The following PATJ variants were observed in gnomAD, a reference collection of about 807,000 sequenced individuals.
PATJ encodes the protein inaD-like protein.
In PATJ, 190 loss-of-function variants were observed where a neutral mutation model predicts 224.9. The observed-to-expected ratio is 0.84, with a 90% confidence interval of 0.75 to 0.95. The LOEUF (loss-of-function observed/expected upper bound fraction) is 0.95, where lower values mean the gene tolerates loss of function less well. PATJ is among the 40% of genes least tolerant of loss of function. PATJ has a pLI of 0.00. For synonymous variants in PATJ, 769 were observed against 820.3 expected (o/e 0.94, Z 1.07); for missense variants, 2,121 against 2,270.3 (o/e 0.93, Z 1.34).
intron 23 of PATJ, among the ~76,000 whole-genome samples, chr1:61,900,037 C>T (rs1670903981): frequency 6.6e-6 from 1 of 152,180 alleles, no homozygotes; most frequent in Admixed American, 6.5e-5. Flanking sequence ...CTCTACCTTC[C>T]TCCCCTGGTG....
intron 30 of PATJ, among the ~76,000 whole-genome samples, chr1:62,044,427 T>G (rs1302673002): frequency 6.6e-6 from 1 of 152,196 alleles, no homozygotes; most frequent in Non-Finnish European, 1.5e-5. Context: ...AAGGCTGTAC[T>G]CCAGAAAGAT....
At chr1:62,001,534 G>A (rs1243917712) in intron 28 of PATJ, among the ~76,000 whole-genome samples, 1 of 150,816 alleles carries the variant, frequency 6.6e-6, no homozygotes, top group African/African-American at 2.4e-5. Flanking sequence ...GCTCTGTTCT[G>A]TTCCATTGAT....
At chr1:61,959,427 T>TATATATA in intron 27 of PATJ, among the ~76,000 whole-genome samples, 1 of 25,196 alleles carries the variant, frequency 4.0e-5, no homozygotes, top group African/African-American at 9.4e-5. Context: ...TATAATATAT[T>TATATATA]TTTTTTCTTT....
At chr1:61,760,073 T>C (rs986602431) in intron 1 of PATJ, among the ~76,000 whole-genome samples, 5 of 152,216 alleles carry the variant, frequency 3.3e-5, no homozygotes, top group Non-Finnish European at 7.3e-5. Context: ...TGTTGGGCTG[T>C]ATGCTGCTAT....
intron 31 of PATJ, among the ~76,000 whole-genome samples, chr1:62,053,174 G>A (rs919444443): frequency 2.0e-5 from 3 of 152,190 alleles, no homozygotes; most frequent in Non-Finnish European, 2.9e-5. Context: ...CTGGAGGCCT[G>A]AGGGTCATTT....
chr1:61,873,928 A>G (rs1267474746), intron 20 of PATJ, among the ~76,000 whole-genome samples: 1 of 152,148 alleles, frequency 6.6e-6, no homozygotes, highest in Non-Finnish European at 1.5e-5. Context: ...TGGGATGTGA[A>G]AATCTGCTTG....
intron 7 of PATJ, among the ~76,000 whole-genome samples, chr1:61,778,411 A>C (rs913688231): frequency 1.3e-5 from 2 of 152,174 alleles, no homozygotes; most frequent in African/African-American, 4.8e-5. Context: ...ATTTTAATAA[A>C]ATAGTGTCTG....
Position 61,914,522 on chromosome 1 carries a change from A to AG in PATJ, c.3493-65_3493-64insG, listed in dbSNP as rs1156659041. ...TTCTCCATTGTGGAATGTCAAGAGA[A>AG]AAAAAAGGAATGATTATGTCGTTTA... On this transcript the variant is annotated intron_variant, in intron 25 of 43. Transcript: ENST00000642238. 3.9e-6 allele frequency: 3 copies of AG among 766,686 alleles called. No homozygotes were observed. In the African/African-American group the frequency reaches 5.3e-5, roughly 14 times the overall value. The allele number at this position is 766,686 out of a possible 1,614,324, so 47.5% of individuals were successfully genotyped here.
At chr1:61,826,366 C>T (rs186245435) in intron 15 of PATJ, among the ~76,000 whole-genome samples, 3 of 152,250 alleles carry the variant, frequency 2.0e-5, no homozygotes, top group East Asian at 1.9e-4. Flanking sequence ...AACATTAGCA[C>T]GGCACCTATT....
At chr1:62,021,335 G>T (rs1217818127) in intron 29 of PATJ, among the ~76,000 whole-genome samples, 1 of 152,088 alleles carries the variant, frequency 6.6e-6, no homozygotes, top group Non-Finnish European at 1.5e-5. Flanking sequence ...CCTTCCAAAA[G>T]GCCCTGCCTA....
At chr1:62,142,989 G>A (rs1667653383) in intron 41 of PATJ, among the ~76,000 whole-genome samples, 1 of 152,214 alleles carries the variant, frequency 6.6e-6, no homozygotes, top group Admixed American at 6.5e-5. Context: ...GTGTGGGAAT[G>A]AGGTGAGACA....
rs1645948183 is a variant in PATJ at position 62,003,992 on chromosome 1, C to T, written c.3867+13628C>T. Among the ~76,000 whole-genome samples, 3 of 152,234 alleles carry T rather than the reference C, an allele frequency of 2.0e-5. No individual in the cohort carries two copies. In the South Asian group the frequency reaches 6.2e-4, roughly 32 times the overall value. On this transcript the variant is annotated intron_variant, in intron 28 of 43. Transcript: ENST00000642238. ...CTGCGTGCCTTTCATATGCTTTTCCCCAGTCATGGAGTCCTCTTGCCACTC... is the reference window on the plus strand; with the variant it reads ...CTGCGTGCCTTTCATATGCTTTTCCTCAGTCATGGAGTCCTCTTGCCACTC...
At chr1:62,159,805 A>G (rs1669672387) in intron 43 of PATJ, among the ~76,000 whole-genome samples, 1 of 152,078 alleles carries the variant, frequency 6.6e-6, no homozygotes, top group South Asian at 2.1e-4. Context: ...GAGATTCCCA[A>G]AGTGCTGGGA....
intron 7 of PATJ, among the ~76,000 whole-genome samples, chr1:61,786,597 A>G (rs1388598511): frequency 2.0e-5 from 3 of 152,164 alleles, no homozygotes; most frequent in Middle Eastern, 3.4e-3. Flanking sequence ...TGGCAACTCT[A>G]TCTTTCTAGT....
At chr1:62,137,674 AG>A (rs1308823439) in intron 41 of PATJ, among the ~76,000 whole-genome samples, 1 of 78,620 alleles carries the variant, frequency 1.3e-5, no homozygotes, top group Non-Finnish European at 2.4e-5. Context: ...ACACAGAATG[AG>A]GGGGGATAGC....
chr1:61,871,483 G>GCGTA (rs1362256521), intron 20 of PATJ, among the ~76,000 whole-genome samples: 3 of 100,070 alleles, frequency 3.0e-5, no homozygotes, highest in African/African-American at 1.2e-4. Flanking sequence ...ACATATATAT[G>GCGTA]TGTATATATG....
At chr1:61,755,946 C>T (rs529514225) in intron 1 of PATJ, among the ~76,000 whole-genome samples, 5 of 152,224 alleles carry the variant, frequency 3.3e-5, no homozygotes, top group African/African-American at 4.8e-5. Flanking sequence ...GGATTACAGG[C>T]ACCTGCCACC....
chr1:62,010,005 C>T (rs1457810274), intron 28 of PATJ, among the ~76,000 whole-genome samples: 5 of 148,226 alleles, frequency 3.4e-5, no homozygotes, highest in Non-Finnish European at 7.4e-5. Context: ...ATCGCTTGAA[C>T]CTGGGAGGGG....
intron 34 of PATJ, among the ~76,000 whole-genome samples, chr1:62,109,145 G>C (rs969173410): frequency 1.3e-5 from 2 of 151,450 alleles, no homozygotes; most frequent in Admixed American, 1.3e-4. Context: ...AGGAGAAGGC[G>C]ATGCCAGGCG....
Sources: allele counts gnomAD v4.1 joint callset (sites outside exome capture counted in the v4.1 genomes callset), GRCh38; gene constraint gnomAD v4.1.1; transcripts MANE v1.5; gene names NCBI Gene and HGNC (gene_info 2026-07-23, HGNC 2026-07-21).